KCNIP1: variants seen among roughly 807,000 people sequenced by gnomAD.
KCNIP1 encodes A-type potassium channel modulatory protein KCNIP1.
In KCNIP1, 18 loss-of-function variants were observed where a neutral mutation model predicts 33.0. The observed-to-expected ratio is 0.55, with a 90% CI of 0.38 to 0.81. The LOEUF is 0.81. Among genes scored for constraint, KCNIP1 ranks in the 30% least tolerant of loss-of-function variants. KCNIP1 has a pLI of 0.00. For synonymous variants in KCNIP1, 93 were observed against 98.3 expected, an observed-to-expected ratio of 0.95 and a Z score of 0.32; for missense variants, 238 against 271.6, an observed-to-expected ratio of 0.88 and a Z score of 0.87.
At chr5:170,398,520 T>C (rs952823772) in intron 1 of KCNIP1, among the ~76,000 whole-genome samples, 1 of 152,246 alleles carries the variant, frequency 6.6e-6, no homozygotes, top group African/African-American at 2.4e-5. Context: ...GAAAACTCTT[T>C]CATCTGTTTT....
intron 1 of KCNIP1, among the ~76,000 whole-genome samples, chr5:170,551,970 TTGAG>T (rs964725859): frequency 6.6e-6 from 1 of 151,274 alleles, no homozygotes; most frequent in African/African-American, 2.4e-5. Context: ...GTGTATGTGT[TTGAG>T]TGTGTGAGCG....
At chr5:170,520,097 G>T (rs1334477509) in intron 1 of KCNIP1, among the ~76,000 whole-genome samples, 1 of 152,162 alleles carries the variant, frequency 6.6e-6, no homozygotes, top group Non-Finnish European at 1.5e-5. Context: ...AGGGTGTTTG[G>T]TGTGTGCATG....
chr5:170,515,179 A>G (rs1755076731), intron 1 of KCNIP1, among the ~76,000 whole-genome samples: 1 of 152,200 alleles, frequency 6.6e-6, no homozygotes, highest in Admixed American at 6.5e-5. Context: ...CTCATTTCCT[A>G]GAAGCGCCTT....
intron 1 of KCNIP1, among the ~76,000 whole-genome samples, chr5:170,585,238 C>A (rs1309293054): frequency 6.6e-6 from 1 of 152,160 alleles, no homozygotes; most frequent in African/African-American, 2.4e-5. Context: ...TCACAGGTAG[C>A]AGTGTCCTTA....
At chr5:170,635,806 A>G (rs1249845131) in intron 1 of KCNIP1, among the ~76,000 whole-genome samples, 1 of 152,234 alleles carries the variant, frequency 6.6e-6, no homozygotes, top group Non-Finnish European at 1.5e-5. Flanking sequence ...GGATGTATAA[A>G]AGGGATGCTG....
intron 1 of KCNIP1, among the ~76,000 whole-genome samples, chr5:170,372,143 G>A (rs758351552): frequency 6.6e-6 from 1 of 152,106 alleles, no homozygotes; most frequent in Non-Finnish European, 1.5e-5. Flanking sequence ...CCTCCAGATA[G>A]GATATAATAA....
intron 1 of KCNIP1, among the ~76,000 whole-genome samples, chr5:170,426,225 A>G (rs1755609494): frequency 6.7e-6 from 1 of 148,976 alleles, no homozygotes; most frequent in African/African-American, 2.5e-5. Flanking sequence ...ATGTTTGCTA[A>G]TGCTTTGTGA....
chr5:170,638,626 C>T (rs1027575953), intron 1 of KCNIP1, among the ~76,000 whole-genome samples: 8 of 152,148 alleles, frequency 5.3e-5, no homozygotes, highest in African/African-American at 1.9e-4. Context: ...TTGTCCTCAG[C>T]CTCCCTGCTC....
chr5:170,677,980 T>C (rs538006240), intron 1 of KCNIP1, among the ~76,000 whole-genome samples: 4 of 152,314 alleles, frequency 2.6e-5, no homozygotes, highest in African/African-American at 9.6e-5. Flanking sequence ...ACAAACATAT[T>C]CACCTTACAC....
intron 1 of KCNIP1, among the ~76,000 whole-genome samples, chr5:170,576,942 G>A (rs982351890): frequency 1.3e-5 from 2 of 152,122 alleles, no homozygotes; most frequent in African/African-American, 4.8e-5. Flanking sequence ...CTTTTCAAAG[G>A]CGGGAGCTGC....
chr5:170,590,588 C>G (rs568744541), intron 1 of KCNIP1, among the ~76,000 whole-genome samples: 4 of 152,134 alleles, frequency 2.6e-5, no homozygotes, highest in African/African-American at 9.7e-5. Context: ...TCCAGTCTCA[C>G]GCTAGGCTGC....
At chr5:170,539,129 A>G (rs1230304276) in intron 1 of KCNIP1, among the ~76,000 whole-genome samples, 4 of 152,034 alleles carry the variant, frequency 2.6e-5, no homozygotes, top group Non-Finnish European at 5.9e-5. Flanking sequence ...AGCCAAACTC[A>G]TCTCTAGTCT....
At chr5:170,457,691 C>A (rs2077533598) in intron 1 of KCNIP1, among the ~76,000 whole-genome samples, 1 of 152,184 alleles carries the variant, frequency 6.6e-6, no homozygotes, top group African/African-American at 2.4e-5. Context: ...AGAATCTGAA[C>A]AACAGCCTCG....
intron 1 of KCNIP1, among the ~76,000 whole-genome samples, chr5:170,598,664 C>T (rs1398885254): frequency 6.6e-6 from 1 of 152,110 alleles, no homozygotes; most frequent in Non-Finnish European, 1.5e-5. Flanking sequence ...TAAACTCACA[C>T]AGAGAGGGGA....
At chr5:170,421,816 A>G (rs1219165139) in intron 1 of KCNIP1, among the ~76,000 whole-genome samples, 5 of 152,236 alleles carry the variant, frequency 3.3e-5, no homozygotes, top group Non-Finnish European at 7.3e-5. Context: ...CCAGAGTTTC[A>G]GTGAACCAAG....
At chr5:170,632,552 GCAC>G (rs1760093506) in intron 1 of KCNIP1, among the ~76,000 whole-genome samples, 1 of 152,254 alleles carries the variant, frequency 6.6e-6, no homozygotes, top group South Asian at 2.1e-4. Flanking sequence ...CCCTGGGCAA[GCAC>G]CACAACCTCT....
intron 1 of KCNIP1, among the ~76,000 whole-genome samples, chr5:170,432,235 A>T (rs992943641): frequency 1.3e-5 from 2 of 152,090 alleles, no homozygotes; most frequent in Non-Finnish European, 2.9e-5. Context: ...CCCACAAAAA[A>T]ATCCCTTCCT....
At chr5:170,414,991 T>C (rs867866817) in intron 1 of KCNIP1, among the ~76,000 whole-genome samples, 2 of 152,238 alleles carry the variant, frequency 1.3e-5, no homozygotes, top group Non-Finnish European at 2.9e-5. Context: ...CAAATGTTTG[T>C]TGAATGAATT....
In KCNIP1 at chr5:170,579,611, C is replaced by T. The variant is rs543943239; in HGVS notation, c.61+74978C>T. Among the ~76,000 whole-genome samples the T allele has an allele frequency of 2.5e-4, 38 of 152,314 alleles. 2 individuals are homozygous for T. The South Asian group carries it at 7.5e-3, about 30-fold the overall frequency. ...GAAAGCCATGAGTTAATGCATCTCC[C>T]CATGTAACAAACCTCCCCTAGGACT... is the stretch of plus-strand genomic sequence containing the variant. On this transcript the variant is annotated intron_variant, in intron 1 of 7. Transcript: ENST00000328939.
Sources: allele counts gnomAD v4.1 joint callset (sites outside exome capture counted in the v4.1 genomes callset), GRCh38; gene constraint gnomAD v4.1.1; transcripts MANE v1.5; gene names NCBI Gene and HGNC (gene_info 2026-07-23, HGNC 2026-07-21).